The following COL1A1 variants were observed in gnomAD, a reference collection of about 807,000 sequenced individuals.
COL1A1 encodes the protein collagen alpha-1(I) chain.
COL1A1 carries 21 observed loss-of-function variants against 195.7 expected under a neutral mutation model. The ratio of observed to expected loss-of-function variants is 0.11; its 90% CI spans 0.08 to 0.15. COL1A1 has a LOEUF of 0.15. Among genes scored for constraint, COL1A1 ranks in the 10% least tolerant of loss-of-function variants. The pLI is 1.00. For synonymous variants in COL1A1, 749 were observed against 747.3 expected, an observed-to-expected ratio of 1.00 and a Z score of -0.04; for missense variants, 1,365 against 2,051.0, an observed-to-expected ratio of 0.67 and a Z score of 6.46.
chr17:50,191,342 G>A (rs1424202234), intron 32 of COL1A1, 41 bp downstream of exon 32: 3 of 1,541,652 alleles, frequency 1.9e-6, no homozygotes, highest in Non-Finnish European at 2.7e-6. Flanking sequence ...GCAGAGATGG[G>A]AGCCATGTAG....
At position 50,196,112 on chromosome 17, in the gene COL1A1, C is replaced by T. The variant is rs201606377; in HGVS notation, c.1002+43G>A. 5 of 1,612,960 alleles carry T rather than the reference C, an allele frequency of 3.1e-6. No homozygotes were observed. In the African/African-American group the frequency reaches 5.3e-5, roughly 17 times the overall value. Reference sequence around the variant, plus strand: ...CAGCCCCAAGAGCAGATACTGAGACCCCTCCCCACTCCCAGGCCCTGAGGC... The same window carrying T: ...CAGCCCCAAGAGCAGATACTGAGACTCCTCCCCACTCCCAGGCCCTGAGGC... On this transcript the variant is annotated intron_variant, in intron 15 of 50. Transcript: ENST00000225964.
chr17:50,190,728 G>T lies in COL1A1; in HGVS notation c.2343+89C>A. The stretch of plus-strand genomic sequence containing the variant: ...TTGACAGCTCAGTTTGGCAGGACCT[G>T]CTCTCCCAACGCAACCCCACGGAAC... On this transcript the variant is annotated intron_variant, in intron 33 of 50. Coordinates refer to ENST00000225964, the MANE Select transcript of COL1A1 (RefSeq NM_000088.4). This position sits in a 1 kb window ranked among gnomAD's most constrained non-coding sequence, Gnocchi z 4.7. The T allele has an allele frequency of 1.3e-6, 2 of 1,485,298 alleles. No homozygotes were observed. The highest frequency in any genetic ancestry group is 1.9e-6 in the Non-Finnish European group (2 of 1,067,056). 92.0% of individuals were successfully genotyped at this position (1,485,298 alleles called of 1,614,324 possible).
Position 50,197,967 on chromosome 17 carries a change from A to C in COL1A1, c.624T>G (p.Pro208=), listed in dbSNP as rs781091217. The change falls in exon 8 of 51, where the codon CCT becomes CCG. Residue 208 remains proline (P), a synonymous_variant. Transcript: ENST00000225964. ...PQGFQGPPGE[P]GEPGASGPMG... The stretch of plus-strand genomic sequence containing the variant: ...TGCTTACTGAAGCTCCAGGCTCGCC[A>C]GGCTCACCAGGGGGACCTTGGAAGC... The C allele has an allele frequency of 6.2e-7, 1 of 1,614,132 alleles. No individual in the cohort carries two copies. Among genetic ancestry groups the C allele is most frequent in the Non-Finnish European group, 8.5e-7 (1 of 1,179,992 alleles).
At position 50,188,077 on chromosome 17, in the gene COL1A1, G is replaced by T; in HGVS notation, c.3261+19C>A. The T allele has an allele frequency of 1.2e-6, 2 of 1,612,690 alleles. No homozygotes were observed. The highest frequency in any genetic ancestry group is 1.7e-6 in the Non-Finnish European group (2 of 1,179,298). On this transcript the variant is annotated intron_variant, in intron 44 of 50. Transcript: ENST00000225964. The surrounding 1 kb of genome is among the most constrained non-coding windows in gnomAD (Gnocchi z 5.6). ...TCTGTAGAGTTCTAAAGGCATGGGG[G>T]ACACAGCAGGGTACTTACGGCGGGG... is the stretch of plus-strand genomic sequence containing the variant.
intron 9 of COL1A1, 144 bp from the exon 10 acceptor site, chr17:50,197,377 A>T: frequency 1.2e-6 from 1 of 822,872 alleles, no homozygotes; most frequent in Non-Finnish European, 2.0e-6. Context: ...TCTAGAGCTC[A>T]GTTTAAATCT....
intron 11 of COL1A1, 130 bp downstream of exon 11, chr17:50,196,880 C>T (rs1475958650): frequency 3.4e-6 from 4 of 1,189,400 alleles, no homozygotes; most frequent in Non-Finnish European, 5.0e-6. Context: ...GATGTCCACT[C>T]TCTGTCCCTT....
chr17:50,186,839 A>C lies in COL1A1; in HGVS notation c.3615T>G (p.Pro1205=). Reference sequence around the variant, plus strand: ...GGCCACCATCGTGAGCCTTCTCTTGAGGTGGCTGGGGCAGGAAGCTGAAGT... The same window carrying C: ...GGCCACCATCGTGAGCCTTCTCTTGCGGTGGCTGGGGCAGGAAGCTGAAGT... ...GFDFSFLPQP[P]QEKAHDGGRY... Residue 1205 remains proline (P), a synonymous_variant, in exon 48 of 51, where the codon CCT becomes CCG. Transcript: ENST00000225964. This position sits in a 1 kb window ranked among gnomAD's most constrained non-coding sequence, Gnocchi z 5.3. 6.2e-7 allele frequency: 1 copy of C among 1,614,088 alleles called. No individual in the cohort carries two copies. The highest frequency in any genetic ancestry group is 8.5e-7 in the Non-Finnish European group (1 of 1,180,030).
Position 50,194,623 on chromosome 17 carries a change from C to T in COL1A1, c.1465G>A (p.Gly489Arg), listed in dbSNP as rs138570309. Reference sequence around the variant, plus strand: ...CCAGGGAAACCACGGCTACCAGGTCCACCCTGCAGGAGGAGAGGAGGCCAG... The same window carrying T: ...CCAGGGAAACCACGGCTACCAGGTCTACCCTGCAGGAGGAGAGGAGGCCAG... ...GLPGPPGERG[G>R]PGSRGFPGAD... The change falls in exon 22 of 51, where the codon GGA becomes AGA. Residue 489 changes from glycine to arginine, a missense_variant. Coordinates refer to ENST00000225964, the MANE Select transcript of COL1A1 (RefSeq NM_000088.4). The surrounding 1 kb of genome is among the most constrained non-coding windows in gnomAD (Gnocchi z 6.8). 2.6e-6 allele frequency: 4 copies of T among 1,563,584 alleles called. No individual in the cohort carries two copies. Among genetic ancestry groups the T allele is most frequent in the African/African-American group, 2.7e-5 (2 of 73,598 alleles).
intron 5 of COL1A1, 122 bp downstream of exon 5, chr17:50,199,104 C>T (rs1907836473): frequency 8.5e-7 from 1 of 1,180,644 alleles, no homozygotes; most frequent in African/African-American, 1.6e-5. Flanking sequence ...GTGAGAGTTT[C>T]CTGTAGGATT....
rs536973075 is a variant in COL1A1 at position 50,189,783 on chromosome 17, C to T, written c.2614-51G>A. The T allele has an allele frequency of 1.1e-5, 18 of 1,612,146 alleles. No homozygotes were observed. The highest frequency in any genetic ancestry group is 1.7e-4 in the Middle Eastern group (1 of 6,060). The stretch of plus-strand genomic sequence containing the variant: ...TCAGAGGGAGAACAGCCAACTCATC[C>T]GACCCAGCTGCCCTCACCTGCCACC... On this transcript the variant is annotated intron_variant, in intron 37 of 50. Coordinates refer to ENST00000225964, the MANE Select transcript of COL1A1 (RefSeq NM_000088.4). This position sits in a 1 kb window ranked among gnomAD's most constrained non-coding sequence, Gnocchi z 5.5.
chr17:50,191,585 A>T, intron 31 of COL1A1, 95 bp from the exon 32 acceptor site: 1 of 1,282,190 alleles, frequency 7.8e-7, no homozygotes, highest in Non-Finnish European at 1.1e-6. Flanking sequence ...GCTTGTTTCC[A>T]AGGCCAACGA....
At chr17:50,193,344 A>AC in intron 25 of COL1A1, 1 of 514,332 alleles carries the variant, frequency 1.9e-6, no homozygotes, top group Non-Finnish European at 3.5e-6. Flanking sequence ...ATCCACCAAG[A>AC]CTGGGGGTGC....
chr17:50,193,990 G>A lies in COL1A1; in HGVS notation c.1720C>T (p.Arg574Cys), dbSNP rs72648365. Residue 574 changes from arginine (R) to cysteine (C), a missense_variant, in exon 25 of 51, where the codon CGT becomes TGT. Physicochemically the swap from Arg to Cys is radical, Grantham distance 180. Around this residue, in one of 5 missense-constraint regions of COL1A1, gnomAD observed 671 missense variants for 1,099.9 expected, o/e 0.61. Coordinates refer to ENST00000225964, the MANE Select transcript of COL1A1 (RefSeq NM_000088.4). ...AATCCCATCACACCAGCCTGACCAC[G>A]GGCACCAGGTGGGCCTGGGGGTCCG... ...RPGPPGPPGA[R>C]GQAGVMGFPG... The A allele has an allele frequency of 3.1e-6, 5 of 1,614,032 alleles. No homozygotes were observed. Among genetic ancestry groups the A allele is most frequent in the African/African-American group, 1.3e-5 (1 of 74,928 alleles).
At chr17:50,201,270 C>A in intron 1 of COL1A1, 141 bp downstream of exon 1, 1 of 801,648 alleles carries the variant, frequency 1.2e-6, no homozygotes. Context: ...TGTCTCAGGG[C>A]GCCGAGGAAG....
Position 50,190,714 on chromosome 17 carries a change from G to T in COL1A1, c.2343+103C>A. Reference sequence around the variant, plus strand: ...TCCAGGTTCCCAGGTTGACAGCTCAGTTTGGCAGGACCTGCTCTCCCAACG... The same window carrying T: ...TCCAGGTTCCCAGGTTGACAGCTCATTTTGGCAGGACCTGCTCTCCCAACG... On this transcript the variant is annotated intron_variant, in intron 33 of 50. Transcript: ENST00000225964. This position sits in a 1 kb window ranked among gnomAD's most constrained non-coding sequence, Gnocchi z 4.7. The T allele has an allele frequency of 6.7e-7, 1 of 1,488,160 alleles. No homozygotes were observed. The highest frequency in any genetic ancestry group is 9.3e-7 in the Non-Finnish European group (1 of 1,070,596). The allele number at this position is 1,488,160 out of a possible 1,614,324, so 92.2% of individuals were successfully genotyped here.
In COL1A1 at chr17:50,196,683, A is replaced by G. The variant is rs1429822730; in HGVS notation, c.805-13T>C. Reference sequence around the variant, plus strand: ...AACCACTGAAACCCTAAAGCAGGAAAGAGGTAGAAGGTAAGAACCTGTGGA... The same window carrying G: ...AACCACTGAAACCCTAAAGCAGGAAGGAGGTAGAAGGTAAGAACCTGTGGA... On this transcript the variant is annotated splice_polypyrimidine_tract_variant and intron_variant, in intron 11 of 50. Transcript: ENST00000225964. 6.2e-7 allele frequency: 1 copy of G among 1,614,172 alleles called. No individual in the cohort carries two copies.
At chr17:50,198,977 G>A (rs1487973651) in intron 5 of COL1A1, among the ~76,000 whole-genome samples, 1 of 152,076 alleles carries the variant, frequency 6.6e-6, no homozygotes, top group African/African-American at 2.4e-5. Context: ...ACACACCTAA[G>A]TATTTAGGCG....
chr17:50,194,503 A>T lies in COL1A1; in HGVS notation c.1516-56T>A, dbSNP rs1307250763. On this transcript the variant is annotated intron_variant, in intron 22 of 50. Transcript: ENST00000225964. This position sits in a 1 kb window ranked among gnomAD's most constrained non-coding sequence, Gnocchi z 6.8. ...GGTCTCAAGTTTGTGGCTCTTTGCC[A>T]CGGGCCAAAAGAGGAAGAAGATGCC... 6.8e-5 allele frequency: 110 copies of T among 1,612,936 alleles called. No homozygotes were observed. In the East Asian group the frequency reaches 2.4e-3, roughly 36 times the overall value.
Position 50,189,931 on chromosome 17 carries a change from G to A in COL1A1, c.2560-19C>T, listed in dbSNP as rs1484379176. On this transcript the variant is annotated intron_variant, in intron 36 of 50. Transcript: ENST00000225964. The surrounding 1 kb of genome is among the most constrained non-coding windows in gnomAD (Gnocchi z 5.5). ...CATTACCCTGTAGGAGAGCACAGAG[G>A]CATCAAGCCTGGACCCGTCCTGGGT... 2 of 1,611,504 alleles carry A rather than the reference G, an allele frequency of 1.2e-6. No individual in the cohort carries two copies. Among genetic ancestry groups the A allele is most frequent in the East Asian group, 2.2e-5 (1 of 44,660 alleles).
Sources: allele counts gnomAD v4.1 joint callset (sites outside exome capture counted in the v4.1 genomes callset), GRCh38; gene constraint gnomAD v4.1.1; regional missense constraint gnomAD v4.1.1; non-coding constraint Gnocchi (gnomAD v3.1); transcripts MANE v1.5; gene names NCBI Gene and HGNC (gene_info 2026-07-23, HGNC 2026-07-21).